PDZD9: variants seen among roughly 807,000 people sequenced by gnomAD.
The protein encoded by PDZD9 is PDZ domain-containing protein 9.
Under a neutral mutation model 16.3 loss-of-function variants are expected in PDZD9, and 13 were observed. That is an observed-to-expected ratio of 0.80 (90% CI 0.52 to 1.27). PDZD9 has a LOEUF of 1.27. PDZD9 is among the 50% of genes most tolerant of loss of function. The pLI, the probability that PDZD9 is intolerant of heterozygous loss-of-function variation, is 0.00. For missense variants in PDZD9, 288 were observed against 310.9 expected, an observed-to-expected ratio of 0.93 and a Z score of 0.55; for synonymous variants, 120 against 111.0, an observed-to-expected ratio of 1.08 and a Z score of -0.51.
chr16:21,964,567 A>G, the PDZD9 span, among the ~76,000 whole-genome samples: 2 of 152,126 alleles, frequency 1.3e-5, no homozygotes, highest in African/African-American at 4.8e-5. Flanking sequence ...GTTATACTTT[A>G]TGCCTTTGTT....
Position 21,988,661 on chromosome 16 carries a change from A to G in PDZD9, c.342T>C (p.Ile114=), listed in dbSNP as rs774663718. The change falls in exon 3 of 4, where the codon ATT becomes ATC. Residue 114 remains isoleucine (I), a synonymous_variant. Coordinates refer to ENST00000424898, the MANE Select transcript of PDZD9 (RefSeq NM_001363519.1). ...CATATATTTCTTGCCATTCTTCAGG[A>G]ATGTTAATAAAATCTCGGTAAACCT... ...QIKVYRDFIN[I]PEEWQEIYDL... is the part of the protein sequence containing the mutation. The G allele has an allele frequency of 6.2e-7, 1 of 1,613,476 alleles. No individual in the cohort carries two copies. Among genetic ancestry groups the G allele is most frequent in the South Asian group, 1.1e-5 (1 of 91,024 alleles).
At chr16:21,957,579 A>C in the PDZD9 span, 1 of 1,613,060 alleles carries the variant, frequency 6.2e-7, no homozygotes, top group Non-Finnish European at 8.5e-7. Flanking sequence ...GAGTATCTTC[A>C]CTTCCTCAAG....
downstream of PDZD9, chr16:21,980,522 C>G (rs1898696868): frequency 4.4e-6 from 7 of 1,605,476 alleles, no homozygotes; most frequent in Non-Finnish European, 5.9e-6. Context: ...CTCTCTAAAA[C>G]TGACTTCTGC....
rs1241433134 is a variant in PDZD9, at chr16:22,001,002, C to A, written c.31+15G>T. On this transcript the variant is annotated intron_variant, in intron 1 of 3. Coordinates refer to ENST00000424898, the MANE Select transcript of PDZD9 (RefSeq NM_001363519.1). ...TCCCCAGGGCTTCTTCACCCGCTTC[C>A]TTCTCCCCAGTTACCTTTTTTGTTT... The A allele has an allele frequency of 5.9e-6, 9 of 1,533,718 alleles. No individual in the cohort carries two copies. The highest frequency in any genetic ancestry group is 3.3e-4 in the Middle Eastern group (2 of 5,982).
At position 21,984,122 on chromosome 16, in the gene PDZD9, A is replaced by G; in HGVS notation, c.*145T>C. The G allele has an allele frequency of 1.2e-6, 1 of 833,808 alleles. No individual in the cohort carries two copies. The highest frequency in any genetic ancestry group is 1.8e-6 in the Non-Finnish European group (1 of 562,814). The allele number at this position is 833,808 out of a possible 1,614,324, so 51.7% of individuals were successfully genotyped here. A position where few individuals can be genotyped will look rare whatever the true frequency, so the allele number is the denominator to read the frequency against. ...TCTTTAGATAATCCTGTTGAAGAAC[A>G]TCTCTAAAGGCTTTATAACGCAGTC... On this transcript the variant is annotated 3_prime_UTR_variant, in exon 4 of 4. Transcript: ENST00000424898.
downstream of PDZD9, chr16:21,983,575 C>A: frequency 4.3e-6 from 1 of 231,778 alleles, no homozygotes; most frequent in Non-Finnish European, 8.2e-6. Context: ...TGGGTGTCAA[C>A]AGCTAAATGG....
intron 3 of PDZD9, among the ~76,000 whole-genome samples, chr16:21,986,286 A>G (rs1359193857): frequency 6.6e-6 from 1 of 152,220 alleles, no homozygotes. Flanking sequence ...TAATTAAGAA[A>G]GGGAATCAGC....
At chr16:21,970,517 G>A in the PDZD9 span, among the ~76,000 whole-genome samples, 3 of 152,144 alleles carry the variant, frequency 2.0e-5, no homozygotes, top group African/African-American at 7.2e-5. Context: ...GTTTTGATTT[G>A]TATTTCCCTA....
chr16:21,958,680 A>G, the PDZD9 span: 1 of 1,241,274 alleles, frequency 8.1e-7, no homozygotes, highest in African/African-American at 1.5e-5. Context: ...GTTATCAAGG[A>G]GGTTGAGGAT....
chr16:21,963,350 G>C, the PDZD9 span: 1 of 152,296 alleles, frequency 6.6e-6, no homozygotes, highest in African/African-American at 2.4e-5. Flanking sequence ...TTGTTATTTA[G>C]ATTTATTATT....
At chr16:21,981,143 T>C (rs2141949944), downstream of PDZD9, among the ~76,000 whole-genome samples, 1 of 152,346 alleles carries the variant, frequency 6.6e-6, no homozygotes, top group East Asian at 1.9e-4. Context: ...GTCCTAGCAA[T>C]ATTTCACCAT....
At chr16:21,978,182 A>C in the PDZD9 span, among the ~76,000 whole-genome samples, 5 of 152,186 alleles carry the variant, frequency 3.3e-5, no homozygotes, top group Admixed American at 6.5e-5. Flanking sequence ...TTCTTCCTGT[A>C]GTGAAAGAGA....
At chr16:21,958,050 A>G in the PDZD9 span, among the ~76,000 whole-genome samples, 3 of 152,326 alleles carry the variant, frequency 2.0e-5, no homozygotes, top group South Asian at 6.2e-4. Flanking sequence ...TTATTACCAA[A>G]TAAAGTAACA....
At chr16:21,980,745 C>A (rs1452967060), downstream of PDZD9, 1 of 1,602,194 alleles carries the variant, frequency 6.2e-7, no homozygotes, top group African/African-American at 1.3e-5. Context: ...AGAACTTAAC[C>A]TTAATGATCC....
At chr16:21,978,823 CCT>C in the PDZD9 span, among the ~76,000 whole-genome samples, 1 of 152,100 alleles carries the variant, frequency 6.6e-6, no homozygotes, top group Non-Finnish European at 1.5e-5. Flanking sequence ...TTAAAATTGC[CCT>C]GTTTCACTGT....
chr16:21,997,798 G>A (rs1400978979), intron 1 of PDZD9, among the ~76,000 whole-genome samples: 3 of 152,134 alleles, frequency 2.0e-5, no homozygotes, highest in Non-Finnish European at 4.4e-5. Flanking sequence ...AGCTCCTGGG[G>A]AGATCTGTTT....
the PDZD9 span, chr16:21,976,330 T>C: frequency 8.8e-7 from 1 of 1,138,626 alleles, no homozygotes; most frequent in South Asian, 1.3e-5. Context: ...CAATCTATGC[T>C]CATAAGGACT....
the PDZD9 span, among the ~76,000 whole-genome samples, chr16:21,960,286 A>G: frequency 6.6e-6 from 1 of 152,224 alleles, no homozygotes; most frequent in Non-Finnish European, 1.5e-5. Flanking sequence ...TTCACTGTGT[A>G]CTATTATATT....
chr16:21,992,063 T>C (rs1197342994), intron 2 of PDZD9, among the ~76,000 whole-genome samples: 3 of 152,120 alleles, frequency 2.0e-5, no homozygotes, highest in African/African-American at 4.8e-5. Flanking sequence ...TTGCAAACTT[T>C]AAATTAGATA....
Sources: gnomAD v4.1 joint callset for allele counts (sites outside exome capture counted in the v4.1 genomes callset) on GRCh38, gnomAD v4.1.1 for gene constraint, MANE v1.5 for transcripts, NCBI Gene and HGNC (gene_info 2026-07-23, HGNC 2026-07-21) for gene names.